The following CDH12 variants were observed in gnomAD, a reference collection of about 807,000 sequenced individuals.
The protein encoded by CDH12 is cadherin 12, also known as cadherin-12.
In CDH12, 41 loss-of-function variants were observed where a neutral mutation model predicts 74.1. The observed-to-expected ratio is 0.55, with a 90% CI of 0.43 to 0.72. The LOEUF (loss-of-function observed/expected upper bound fraction) is 0.72. CDH12 is among the 30% of genes least tolerant of loss of function. The probability of loss-of-function intolerance (pLI) is 0.00; values close to 1 mark genes in which losing one functional copy is unlikely to be tolerated. For missense variants in CDH12, 945 were observed against 977.2 expected, an observed-to-expected ratio of 0.97 and a Z score of 0.44; for synonymous variants, 399 against 355.0, an observed-to-expected ratio of 1.12 and a Z score of -1.39.
intron 2 of CDH12, among the ~76,000 whole-genome samples, chr5:22,497,470 A>G (rs1202263460): frequency 1.3e-5 from 2 of 151,764 alleles, no homozygotes; most frequent in African/African-American, 2.4e-5. Context: ...GTTCCCACCT[A>G]GTATCATTGC....
chr5:22,734,314 T>C (rs1191579133), intron 1 of CDH12, among the ~76,000 whole-genome samples: 7 of 151,890 alleles, frequency 4.6e-5, no homozygotes, highest in African/African-American at 1.7e-4. Flanking sequence ...TTTGTTGACA[T>C]CTGATTCCCA....
intron 1 of CDH12, among the ~76,000 whole-genome samples, chr5:22,701,435 C>T (rs143068780): frequency 6.7e-4 from 102 of 152,124 alleles, no homozygotes; most frequent in African/African-American, 2.3e-3. Context: ...AAGATTGTCA[C>T]TTCTCATATT....
chr5:22,479,052 C>T (rs1248044352), intron 2 of CDH12, among the ~76,000 whole-genome samples: 1 of 152,078 alleles, frequency 6.6e-6, no homozygotes, highest in East Asian at 1.9e-4. Flanking sequence ...TGGATACATG[C>T]AAAAGAAAAG....
chr5:21,799,631 A>C (rs1747001500), intron 10 of CDH12, among the ~76,000 whole-genome samples: 1 of 152,232 alleles, frequency 6.6e-6, no homozygotes, highest in Non-Finnish European at 1.5e-5. Context: ...AAGATCATCA[A>C]ACTTCTTCAG....
chr5:22,436,090 A>G (rs1312096823), intron 2 of CDH12, among the ~76,000 whole-genome samples: 1 of 151,728 alleles, frequency 6.6e-6, no homozygotes, highest in Non-Finnish European at 1.5e-5. Context: ...ATGCATCCAT[A>G]AAAAACGATG....
At chr5:21,998,749 T>C (rs1736436868) in intron 5 of CDH12, among the ~76,000 whole-genome samples, 1 of 152,090 alleles carries the variant, frequency 6.6e-6, no homozygotes, top group Non-Finnish European at 1.5e-5. Context: ...CGTGTGTCAT[T>C]TGAATGAGGG....
At chr5:22,390,575 G>GAT (rs1742199589) in intron 3 of CDH12, among the ~76,000 whole-genome samples, 1 of 148,158 alleles carries the variant, frequency 6.7e-6, no homozygotes, top group African/African-American at 2.5e-5. Flanking sequence ...GATGGATGGA[G>GAT]AGATAGATAG....
intron 1 of CDH12, among the ~76,000 whole-genome samples, chr5:22,688,781 A>C (rs1294256413): frequency 6.6e-6 from 1 of 152,200 alleles, no homozygotes; most frequent in African/African-American, 2.4e-5. Context: ...CAAAGAAAGC[A>C]TCATGCTGTA....
chr5:22,034,955 C>T (rs1372401394), intron 5 of CDH12, among the ~76,000 whole-genome samples: 1 of 152,032 alleles, frequency 6.6e-6, no homozygotes, highest in African/African-American at 2.4e-5. Flanking sequence ...CAACTTTAGG[C>T]AAAATGACTT....
At chr5:22,260,504 A>T (rs1753467584) in intron 3 of CDH12, among the ~76,000 whole-genome samples, 1 of 152,020 alleles carries the variant, frequency 6.6e-6, no homozygotes, top group Non-Finnish European at 1.5e-5. Context: ...CTATGTTTTA[A>T]ATGATTTTTT....
intron 3 of CDH12, among the ~76,000 whole-genome samples, chr5:22,283,233 T>TATATATATA (rs1554027668): frequency 8.9e-5 from 2 of 22,420 alleles, no homozygotes; most frequent in African/African-American, 2.7e-4. Flanking sequence ...TATATATATA[T>TATATATATA]ATATATATAT....
chr5:22,734,068 C>T (rs1231369557), intron 1 of CDH12, among the ~76,000 whole-genome samples: 2 of 151,904 alleles, frequency 1.3e-5, no homozygotes, highest in African/African-American at 4.8e-5. Flanking sequence ...AGCTGTGTGA[C>T]TTTAGGAAAG....
chr5:22,579,848 C>A (rs1366444487), intron 1 of CDH12, among the ~76,000 whole-genome samples: 1 of 152,150 alleles, frequency 6.6e-6, no homozygotes, highest in Non-Finnish European at 1.5e-5. Flanking sequence ...CATTAAAAAT[C>A]CTCAAAATAG....
chr5:22,532,518 C>T (rs1580740016), intron 1 of CDH12, among the ~76,000 whole-genome samples: 1 of 150,616 alleles, frequency 6.6e-6, no homozygotes, highest in African/African-American at 2.4e-5. Context: ...GACAGGATTT[C>T]CAGAGCTCAA....
intron 6 of CDH12, among the ~76,000 whole-genome samples, chr5:21,879,602 A>T (rs986000068): frequency 6.6e-6 from 1 of 152,226 alleles, no homozygotes; most frequent in African/African-American, 2.4e-5. Context: ...CATTATACTA[A>T]AAGTATTTTT....
chr5:22,469,200 C>T (rs1745858727), intron 2 of CDH12, among the ~76,000 whole-genome samples: 1 of 152,148 alleles, frequency 6.6e-6, no homozygotes, highest in Non-Finnish European at 1.5e-5. Context: ...GAAGAGCAAA[C>T]AAATATTTTT....
At chr5:21,949,807 G>A (rs1257237377) in intron 6 of CDH12, among the ~76,000 whole-genome samples, 2 of 152,178 alleles carry the variant, frequency 1.3e-5, no homozygotes, top group Non-Finnish European at 2.9e-5. Context: ...TATTACAAAA[G>A]AGTCAAAAAG....
rs139326146 is a variant in CDH12, at chr5:22,037,526, T to A, written c.231+40920A>T. Among the ~76,000 whole-genome samples the A allele has an allele frequency of 3.0e-4, 45 of 152,310 alleles. No homozygotes were observed. In the East Asian group the frequency reaches 8.1e-3, roughly 28 times the overall value. Reference sequence around the variant, plus strand: ...GATGGAATGCAGTGCTGACAACACCTTGATTTTTTTCCTGTTCAGACTCAT... The same window carrying A: ...GATGGAATGCAGTGCTGACAACACCATGATTTTTTTCCTGTTCAGACTCAT... On this transcript the variant is annotated intron_variant, in intron 5 of 14. Coordinates refer to ENST00000382254, the MANE Select transcript of CDH12 (RefSeq NM_004061.5).
At chr5:21,858,899 GA>G (rs1750886649) in intron 6 of CDH12, among the ~76,000 whole-genome samples, 1 of 151,804 alleles carries the variant, frequency 6.6e-6, no homozygotes, top group Admixed American at 6.6e-5. Context: ...AGCACGTTTT[GA>G]AATATGTATA....
Sources: gnomAD v4.1 joint callset for allele counts (sites outside exome capture counted in the v4.1 genomes callset) on GRCh38, gnomAD v4.1.1 for gene constraint, MANE v1.5 for transcripts, NCBI Gene and HGNC (gene_info 2026-07-23, HGNC 2026-07-21) for gene names.